Variants in SLC17A5 observed in about 807,000 individuals in gnomAD.
SLC17A5 encodes sialin.
SLC17A5 carries 47 observed loss-of-function variants against 59.4 expected under a neutral mutation model. The observed-to-expected ratio is 0.79, with a 90% confidence interval of 0.63 to 1.01. The LOEUF (loss-of-function observed/expected upper bound fraction) is 1.01, where lower values mean the gene tolerates loss of function less well. Among genes scored for constraint, SLC17A5 ranks in the 50% least tolerant of loss-of-function variants. SLC17A5 has a pLI of 0.00. For synonymous variants in SLC17A5, 202 were observed against 210.7 expected (o/e 0.96, Z 0.36); for missense variants, 522 against 595.5 (o/e 0.88, Z 1.28).
chr6:73,651,420 C>G (rs1462117970), intron 1 of SLC17A5, among the ~76,000 whole-genome samples: 3 of 124,826 alleles, frequency 2.4e-5, no homozygotes, highest in Non-Finnish European at 4.8e-5. Context: ...GAGATCGCAC[C>G]ACTGCACTCC....
chr6:73,634,765 G>A lies in SLC17A5; in HGVS notation c.819+617C>T, dbSNP rs192201803. Among the ~76,000 whole-genome samples the A allele has an allele frequency of 1.4e-4, 21 of 152,220 alleles. No individual in the cohort carries two copies. In the East Asian group the frequency reaches 4.1e-3, roughly 29 times the overall value. On this transcript the variant is annotated intron_variant, in intron 6 of 10. Transcript: ENST00000355773. Reference sequence around the variant, plus strand: ...ATGCTCCAATGAGCATTTCCTTTGAGCATCATGTGGGTTCTCAAAAACTTT... The same window carrying A: ...ATGCTCCAATGAGCATTTCCTTTGAACATCATGTGGGTTCTCAAAAACTTT...
At chr6:73,643,099 T>C (rs1314986262) in intron 2 of SLC17A5, among the ~76,000 whole-genome samples, 1 of 152,144 alleles carries the variant, frequency 6.6e-6, no homozygotes, top group Non-Finnish European at 1.5e-5. Flanking sequence ...CATCTAAGTA[T>C]GAACTAGTAT....
At chr6:73,603,000 AC>A (rs1767221483) in intron 9 of SLC17A5, among the ~76,000 whole-genome samples, 1 of 152,204 alleles carries the variant, frequency 6.6e-6, no homozygotes, top group African/African-American at 2.4e-5. Context: ...AAGTAAAATT[AC>A]CTATAATTCT....
chr6:73,605,918 G>A (rs1272973378), intron 9 of SLC17A5, among the ~76,000 whole-genome samples: 7 of 151,828 alleles, frequency 4.6e-5, no homozygotes, highest in East Asian at 1.9e-4. Flanking sequence ...CAGAGGTTGC[G>A]GTGAGCTGAG....
chr6:73,605,782 A>G (rs1308134296), intron 9 of SLC17A5, among the ~76,000 whole-genome samples: 1 of 152,038 alleles, frequency 6.6e-6, no homozygotes, highest in Admixed American at 6.6e-5. Flanking sequence ...GTTCGAGACC[A>G]GCATGACCAA....
chr6:73,619,966 C>T (rs1372853769), intron 7 of SLC17A5, among the ~76,000 whole-genome samples: 1 of 148,012 alleles, frequency 6.8e-6, no homozygotes, highest in Non-Finnish European at 1.5e-5. Context: ...CTCTGTTGCC[C>T]AGGCTGGAGT....
At position 73,641,579 on chromosome 6, in the gene SLC17A5, T is replaced by C. The variant is rs112463610; in HGVS notation, c.525+112A>G. 1.2e-5 allele frequency: 10 copies of C among 801,782 alleles called. No individual in the cohort carries two copies. The African/African-American group carries it at 1.4e-4, about 11-fold the overall frequency. 49.7% of individuals were successfully genotyped at this position (801,782 alleles called of 1,614,324 possible). A position where few individuals can be genotyped will look rare whatever the true frequency, so the allele number is the denominator to read the frequency against. ...CCTTTCTCTAAAAAATAAACCCCTG[T>C]TATCATCCAACGTTATTTTTTGGTT... On this transcript the variant is annotated intron_variant, in intron 3 of 10. Transcript: ENST00000355773.
intron 3 of SLC17A5, among the ~76,000 whole-genome samples, chr6:73,638,805 TA>T (rs3834307): frequency 3.0e-4 from 44 of 146,894 alleles, no homozygotes; most frequent in Non-Finnish European, 3.2e-4. Context: ...CACCATCTCT[TA>T]AAAAAAAAAA....
At chr6:73,629,996 ATTT>A (rs10585763) in intron 6 of SLC17A5, among the ~76,000 whole-genome samples, 8,497 of 143,268 alleles carry the variant, frequency 0.059, 768 homozygotes, top group African/African-American at 0.2. Context: ...TTATTTCTCT[ATTT>A]TTTTTTTTTT....
chr6:73,646,086 A>T (rs886841389), intron 1 of SLC17A5, among the ~76,000 whole-genome samples: 1 of 152,156 alleles, frequency 6.6e-6, no homozygotes, highest in Non-Finnish European at 1.5e-5. Flanking sequence ...ATAAACATGT[A>T]TTTCATTAAG....
At chr6:73,611,663 CA>C (rs1046910157) in intron 8 of SLC17A5, among the ~76,000 whole-genome samples, 30 of 151,822 alleles carry the variant, frequency 2.0e-4, no homozygotes, top group African/African-American at 7.3e-4. Context: ...TTGGTCATTA[CA>C]GGCAGTTAAG....
At chr6:73,619,615 CT>C (rs1392949549) in intron 7 of SLC17A5, among the ~76,000 whole-genome samples, 3 of 151,782 alleles carry the variant, frequency 2.0e-5, no homozygotes, top group South Asian at 2.1e-4. Flanking sequence ...AAAAAATAGG[CT>C]ATATAATTAT....
intron 5 of SLC17A5, among the ~76,000 whole-genome samples, chr6:73,636,340 A>G (rs1275493581): frequency 2.7e-5 from 4 of 150,904 alleles, no homozygotes; most frequent in Non-Finnish European, 5.9e-5. Context: ...TTTGCTTGAG[A>G]AGAAATTCAA....
At chr6:73,645,519 G>T (rs912578674) in intron 1 of SLC17A5, 2 of 983,774 alleles carry the variant, frequency 2.0e-6, no homozygotes, top group African/African-American at 3.5e-5. Flanking sequence ...GGGCACAGTG[G>T]CTCACGCCTG....
At chr6:73,619,590 G>GA (rs11457063) in intron 7 of SLC17A5, among the ~76,000 whole-genome samples, 20,272 of 151,198 alleles carry the variant, frequency 0.13, 1,868 homozygotes, top group African/African-American at 0.25. Flanking sequence ...TGATTTTCAA[G>GA]AAAAAAAATC....
intron 9 of SLC17A5, among the ~76,000 whole-genome samples, chr6:73,601,816 G>T (rs1188974616): frequency 6.8e-6 from 1 of 146,310 alleles, no homozygotes; most frequent in East Asian, 2.1e-4. Context: ...GAGGGAGGTG[G>T]GGGGGTCAGC....
At position 73,641,894 on chromosome 6, in the gene SLC17A5, G is replaced by T; in HGVS notation, c.322C>A (p.Gln108Lys). 6.2e-7 allele frequency: 1 copy of T among 1,614,136 alleles called. No individual in the cohort carries two copies. The highest frequency in any genetic ancestry group is 8.5e-7 in the Non-Finnish European group (1 of 1,180,026). ...GKKYQWDAETQGWILGSFFYG... is the reference protein window; with the variant it reads ...GKKYQWDAETKGWILGSFFYG... ...AAAAAGGAACCGAGAATCCATCCTT[G>T]AGTTTCTGCATCCCATTGGTACTTC... is the stretch of plus-strand genomic sequence containing the variant. The change falls in exon 3 of 11, where the codon CAA becomes AAA. Residue 108 changes from glutamine (Q) to lysine (K), a missense_variant. Coordinates refer to ENST00000355773, the MANE Select transcript of SLC17A5 (RefSeq NM_012434.5).
chr6:73,641,961 G>C (rs1769307120), intron 2 of SLC17A5, 37 bp from the exon 3 acceptor site: 3 of 1,523,000 alleles, frequency 2.0e-6, no homozygotes, highest in Non-Finnish European at 1.8e-6. Flanking sequence ...AATCCTTTAA[G>C]ACCTTCACAG....
At chr6:73,597,524 C>T (rs970438826) in intron 10 of SLC17A5, among the ~76,000 whole-genome samples, 7 of 151,964 alleles carry the variant, frequency 4.6e-5, no homozygotes, top group Admixed American at 6.6e-5. Context: ...GCGGCTCATG[C>T]CTGTAATCCC....
Sources: gnomAD v4.1 joint callset for allele counts (sites outside exome capture counted in the v4.1 genomes callset) on GRCh38, gnomAD v4.1.1 for gene constraint, MANE v1.5 for transcripts, NCBI Gene and HGNC (gene_info 2026-07-23, HGNC 2026-07-21) for gene names.